Variants in DAB1 observed in about 807,000 individuals in gnomAD.
The protein encoded by DAB1 is disabled homolog 1.
A neutral mutation model predicts 64.6 loss-of-function variants in DAB1; 15 were observed. The observed-to-expected ratio is 0.23, with a 90% CI of 0.16 to 0.36. The LOEUF (loss-of-function observed/expected upper bound fraction) is 0.36, where lower values mean the gene tolerates loss of function less well. Ranked by LOEUF, DAB1 falls within the 10% of genes least tolerant of loss-of-function variation. The pLI is 1.00. For synonymous variants in DAB1, 235 were observed against 251.9 expected (o/e 0.93, Z 0.64); for missense variants, 596 against 706.7 (o/e 0.84, Z 1.78).
intron 2 of DAB1, among the ~76,000 whole-genome samples, chr1:57,250,462 A>C (rs550675809): frequency 6.6e-6 from 1 of 152,320 alleles, no homozygotes. Context: ...ATTAAAAGCT[A>C]TAACAGTTAT....
intron 5 of DAB1, among the ~76,000 whole-genome samples, chr1:57,991,399 T>C (rs143068106): frequency 4.6e-5 from 7 of 152,128 alleles, no homozygotes; most frequent in African/African-American, 1.7e-4. Flanking sequence ...TAGCCAGGCA[T>C]TGTTCTGGGG....
chr1:57,891,465 C>T (rs1644313069), intron 5 of DAB1, among the ~76,000 whole-genome samples: 1 of 152,160 alleles, frequency 6.6e-6, no homozygotes, highest in Non-Finnish European at 1.5e-5. Flanking sequence ...GCTCAAAGAT[C>T]TAAAACTAGA....
chr1:58,261,537 T>A (rs1391598207), intron 4 of DAB1, among the ~76,000 whole-genome samples: 1 of 152,122 alleles, frequency 6.6e-6, no homozygotes, highest in African/African-American at 2.4e-5. Context: ...TGCCTAGTTA[T>A]TGTTTCCAAA....
intron 5 of DAB1, among the ~76,000 whole-genome samples, chr1:58,101,042 C>A (rs536998844): frequency 6.6e-6 from 1 of 152,176 alleles, no homozygotes; most frequent in Non-Finnish European, 1.5e-5. Context: ...CACAGCCGGG[C>A]GCGGTGGCTC....
intron 7 of DAB1, among the ~76,000 whole-genome samples, chr1:57,567,161 A>ACC (rs1182863658): frequency 6.6e-6 from 1 of 152,230 alleles, no homozygotes; most frequent in African/African-American, 2.4e-5. Context: ...TATAAACAGA[A>ACC]CCAAAGACAA....
chr1:57,177,212 T>C (rs1385950903), intron 2 of DAB1, among the ~76,000 whole-genome samples: 2 of 152,126 alleles, frequency 1.3e-5, no homozygotes, highest in African/African-American at 2.4e-5. Context: ...AGAAAATCAG[T>C]CCTTTTCCCT....
At chr1:58,225,974 A>C (rs1659455781) in intron 4 of DAB1, among the ~76,000 whole-genome samples, 1 of 151,948 alleles carries the variant, frequency 6.6e-6, no homozygotes, top group South Asian at 2.1e-4. Context: ...AAAAAAAAAA[A>C]AAACCTGAGG....
intron 11 of DAB1, among the ~76,000 whole-genome samples, chr1:57,020,153 G>T (rs192687802): frequency 2.8e-4 from 43 of 152,260 alleles, no homozygotes; most frequent in Admixed American, 5.9e-4. Context: ...TTTTTGTGAA[G>T]GTGATCCTTT....
chr1:57,857,944 A>G (rs942035427), intron 1 of DAB1, among the ~76,000 whole-genome samples: 1 of 151,640 alleles, frequency 6.6e-6, no homozygotes, highest in African/African-American at 2.4e-5. Flanking sequence ...GAAAGAAAAA[A>G]AAAAAACAAA....
chr1:57,466,334 T>A lies in DAB1; in HGVS notation n.626-175168A>T, dbSNP rs548856723. 3.3e-5 allele frequency among the ~76,000 whole-genome samples: 5 copies of A among 152,348 alleles called. No homozygotes were observed. In the South Asian group the frequency reaches 1.0e-3, roughly 32 times the overall value. ...TGACTAGAGTATTTCTTCTTCAATG[T>A]CTTCCAGTCTCCCTATTTCCCAAAT... is the stretch of plus-strand genomic sequence containing the variant. On this transcript the variant is annotated intron_variant and non_coding_transcript_variant, in intron 7 of 20. Transcript: ENST00000485760.
At chr1:58,043,961 C>T (rs1477756375) in intron 5 of DAB1, among the ~76,000 whole-genome samples, 5 of 152,134 alleles carry the variant, frequency 3.3e-5, no homozygotes, top group African/African-American at 7.2e-5. Context: ...CTCTTGACCT[C>T]GTGATCCGCC....
chr1:57,802,525 G>T (rs1401862475), intron 6 of DAB1, among the ~76,000 whole-genome samples: 1 of 152,182 alleles, frequency 6.6e-6, no homozygotes, highest in Non-Finnish European at 1.5e-5. Context: ...CTGTGATATG[G>T]TTTGGAATTG....
At chr1:57,439,420 T>TTTTTTTTTTG (rs1363390519) in intron 7 of DAB1, among the ~76,000 whole-genome samples, 3 of 118,642 alleles carry the variant, frequency 2.5e-5, no homozygotes, top group Non-Finnish European at 5.2e-5. Context: ...GTGATGAGGT[T>TTTTTTTTTTG]TTTTCTTTTT....
chr1:58,383,902 G>C (rs1181268382), intron 3 of DAB1, among the ~76,000 whole-genome samples: 4 of 152,202 alleles, frequency 2.6e-5, no homozygotes, highest in African/African-American at 4.8e-5. Flanking sequence ...ATCCAGAAGT[G>C]AGATTGCTAG....
chr1:58,069,345 G>A (rs960537921), intron 5 of DAB1, among the ~76,000 whole-genome samples: 30 of 152,140 alleles, frequency 2.0e-4, no homozygotes, highest in Admixed American at 5.9e-4. Context: ...TCCAACCGAG[G>A]CACCGTCCTC....
chr1:58,405,202 C>T (rs1644604266), intron 3 of DAB1, among the ~76,000 whole-genome samples: 1 of 152,260 alleles, frequency 6.6e-6, no homozygotes, highest in South Asian at 2.1e-4. Flanking sequence ...CTCTCCCTAA[C>T]CCCATTCTTC....
chr1:58,242,488 T>C (rs1423562587), intron 4 of DAB1, among the ~76,000 whole-genome samples: 1 of 152,116 alleles, frequency 6.6e-6, no homozygotes, highest in Non-Finnish European at 1.5e-5. Context: ...ATTATATCCA[T>C]CTACATATGC....
At chr1:58,285,015 T>C (rs1661650208) in intron 4 of DAB1, among the ~76,000 whole-genome samples, 1 of 152,220 alleles carries the variant, frequency 6.6e-6, no homozygotes. Flanking sequence ...GTGTTCCAGA[T>C]ATTTTTGCTG....
intron 3 of DAB1, among the ~76,000 whole-genome samples, chr1:58,429,144 A>G (rs750615471): frequency 2.6e-5 from 4 of 152,212 alleles, no homozygotes; most frequent in Non-Finnish European, 5.9e-5. Context: ...CCAGGCACAC[A>G]TTTATAATTC....
Sources: gnomAD v4.1 joint callset for allele counts (sites outside exome capture counted in the v4.1 genomes callset) on GRCh38, gnomAD v4.1.1 for gene constraint, MANE v1.5 for transcripts, NCBI Gene and HGNC (gene_info 2026-07-23, HGNC 2026-07-21) for gene names.